Variants in SUV39H2 observed in about 807,000 individuals in gnomAD.
SUV39H2 encodes histone-lysine N-methyltransferase SUV39H2.
SUV39H2 carries 10 observed loss-of-function variants against 47.5 expected under a neutral mutation model. The ratio of observed to expected loss-of-function variants is 0.21; its 90% CI spans 0.13 to 0.36. The LOEUF (loss-of-function observed/expected upper bound fraction) is 0.36, where lower values mean the gene tolerates loss of function less well. Ranked by LOEUF, SUV39H2 falls within the 10% of genes least tolerant of loss-of-function variation. The probability of loss-of-function intolerance (pLI) is 1.00; values close to 1 mark genes in which losing one functional copy is unlikely to be tolerated. For synonymous variants in SUV39H2, 159 were observed against 166.8 expected (o/e 0.95, Z 0.36); for missense variants, 266 against 487.4 (o/e 0.55, Z 4.28).
chr10:14,879,216 G>A (rs1832965949), intron 1 of SUV39H2: 2 of 936,244 alleles, frequency 2.1e-6, no homozygotes. Flanking sequence ...CTCCCGTGGC[G>A]GCCTCGGGCT....
chr10:14,883,978 A>G (rs1833127642), intron 2 of SUV39H2, among the ~76,000 whole-genome samples: 1 of 152,166 alleles, frequency 6.6e-6, no homozygotes, highest in Non-Finnish European at 1.5e-5. Flanking sequence ...GCGTGTTTTC[A>G]GGGTTCATTC....
At chr10:14,888,887 C>G (rs921187105) in intron 2 of SUV39H2, among the ~76,000 whole-genome samples, 1 of 152,068 alleles carries the variant, frequency 6.6e-6, no homozygotes, top group Non-Finnish European at 1.5e-5. Context: ...GGCGGATCAC[C>G]TGAGGTCGGG....
Position 14,896,908 on chromosome 10 carries a change from T to G in SUV39H2, c.240T>G (p.Pro80=). ...GWPDSTNTWE[P]LQNLKCPLLL... ...CAGATTCTACAAATACTTGGGAACC[T>G]TTGCAAAATCTGAAGTGCCCGTTAC... is the stretch of plus-strand genomic sequence containing the variant. The change falls in exon 3 of 6, where the codon CCT becomes CCG. Residue 80 remains proline, a synonymous_variant. Transcript: ENST00000354919. The G allele has an allele frequency of 6.2e-7, 1 of 1,612,984 alleles. No homozygotes were observed. The highest frequency in any genetic ancestry group is 2.2e-5 in the East Asian group (1 of 44,858).
intron 4 of SUV39H2, 152 bp from the exon 5 acceptor site, chr10:14,900,981 A>C (rs1833969294): frequency 1.1e-6 from 1 of 902,446 alleles, no homozygotes; most frequent in Non-Finnish European, 1.6e-6. Flanking sequence ...ATCTTTTTAA[A>C]TGTGCATGCC....
intron 2 of SUV39H2, among the ~76,000 whole-genome samples, chr10:14,883,248 G>T (rs1342676313): frequency 6.6e-6 from 1 of 152,078 alleles, no homozygotes; most frequent in South Asian, 2.1e-4. Context: ...AACACATTCA[G>T]ATCTTCCCTA....
In SUV39H2 at chr10:14,897,187, C is replaced by T. The variant is rs138078553; in HGVS notation, c.519C>T (p.Asn173=). Residue 173 remains asparagine (N), a synonymous_variant, in exon 3 of 6, where the codon AAC becomes AAT. Transcript: ENST00000354919. Reference sequence around the variant, plus strand: ...CACCTTCAGACTTCTATTACATTAACGAATACAAACCAGCTCCTGGAATCA... The same window carrying T: ...CACCTTCAGACTTCTATTACATTAATGAATACAAACCAGCTCCTGGAATCA... ...EGPPSDFYYI[N]EYKPAPGISL... is the part of the protein sequence containing the mutation. The T allele has an allele frequency of 1.5e-5, 25 of 1,613,696 alleles. No individual in the cohort carries two copies. Among genetic ancestry groups the T allele is most frequent in the African/African-American group, 1.5e-4 (11 of 74,936 alleles).
At chr10:14,900,172 A>G (rs1285149826) in intron 4 of SUV39H2, among the ~76,000 whole-genome samples, 2 of 152,234 alleles carry the variant, frequency 1.3e-5, no homozygotes, top group East Asian at 1.9e-4. Flanking sequence ...TAAATTATAA[A>G]TTAGTATTCT....
At position 14,903,687 on chromosome 10, in the gene SUV39H2, A is replaced by G. The variant is rs1834169076; in HGVS notation, c.*1175A>G. 1.3e-5 allele frequency: 2 copies of G among 152,216 alleles called. No homozygotes were observed. The highest frequency in any genetic ancestry group is 1.9e-4 in the East Asian group (1 of 5,194). 9.4% of individuals were successfully genotyped at this position (152,216 alleles called of 1,614,324 possible). A position where few individuals can be genotyped will look rare whatever the true frequency, so the allele number is the denominator to read the frequency against. On this transcript the variant is annotated 3_prime_UTR_variant, in exon 6 of 6. Transcript: ENST00000354919. The stretch of plus-strand genomic sequence containing the variant: ...CAAGGGAGTGGGAGGCTTCCAACAT[A>G]GTATTGAATCTCAGGAAAAACTATT...
Position 14,899,597 on chromosome 10 carries a change from C to T in SUV39H2, c.908C>T (p.Thr303Met). 1 of 1,614,164 alleles carries T rather than the reference C, an allele frequency of 6.2e-7. No individual in the cohort carries two copies. The highest frequency in any genetic ancestry group is 8.5e-7 in the Non-Finnish European group (1 of 1,180,018). Residue 303 changes from threonine (T) to methionine (M), a missense_variant, in exon 4 of 6, where the codon ACG becomes ATG. Around this residue, in one of 4 missense-constraint regions of SUV39H2, gnomAD observed 112 missense variants for 271.9 expected, o/e 0.41. Transcript: ENST00000354919. ...RGQFYDNKGI[T>M]YLFDLDYESD... The stretch of plus-strand genomic sequence containing the variant: ...CAGTTCTATGACAACAAGGGAATCA[C>T]GTATCTCTTTGATCTGGACTATGAG...
At chr10:14,889,780 A>G (rs1468439220) in intron 2 of SUV39H2, among the ~76,000 whole-genome samples, 1 of 152,212 alleles carries the variant, frequency 6.6e-6, no homozygotes, top group Non-Finnish European at 1.5e-5. Context: ...GGTTGTTACT[A>G]TTATGAATTC....
At chr10:14,890,378 T>G (rs982083148) in intron 2 of SUV39H2, among the ~76,000 whole-genome samples, 1 of 152,200 alleles carries the variant, frequency 6.6e-6, no homozygotes, top group Non-Finnish European at 1.5e-5. Context: ...GAACCACTGG[T>G]GTTTTCATAA....
At chr10:14,879,395 G>C (rs1431895204) in intron 1 of SUV39H2, among the ~76,000 whole-genome samples, 3 of 152,234 alleles carry the variant, frequency 2.0e-5, no homozygotes, top group Admixed American at 6.5e-5. Context: ...CAGAGGGGGA[G>C]AGTAAATCGG....
In SUV39H2 at chr10:14,889,678, A is replaced by G. The variant is rs115184902; in HGVS notation, c.178-7168A>G. On this transcript the variant is annotated intron_variant, in intron 2 of 5. Coordinates refer to ENST00000354919, the MANE Select transcript of SUV39H2 (RefSeq NM_001193424.2). Reference sequence around the variant, plus strand: ...GGTCATACATCACTGAAAATAACACAGGAGGTAGGGGTGGGAACCTTGAGC... The same window carrying G: ...GGTCATACATCACTGAAAATAACACGGGAGGTAGGGGTGGGAACCTTGAGC... Among the ~76,000 whole-genome samples the G allele has an allele frequency of 2.3e-3, 353 of 152,320 alleles. 1 individual carries two copies. The highest frequency in any genetic ancestry group is 7.7e-3 in the African/African-American group (321 of 41,576).
intron 2 of SUV39H2, among the ~76,000 whole-genome samples, chr10:14,883,381 C>G (rs1833101419): frequency 6.6e-6 from 1 of 151,978 alleles, no homozygotes; most frequent in African/African-American, 2.4e-5. Context: ...CACATGCTAT[C>G]ATACAGCTCA....
intron 2 of SUV39H2, among the ~76,000 whole-genome samples, chr10:14,886,324 G>A (rs928128607): frequency 1.3e-5 from 2 of 152,116 alleles, no homozygotes; most frequent in Non-Finnish European, 2.9e-5. Flanking sequence ...AGAACCACCT[G>A]CCCTTCCTCA....
chr10:14,889,397 A>G (rs191852933), intron 2 of SUV39H2, among the ~76,000 whole-genome samples: 1 of 152,294 alleles, frequency 6.6e-6, no homozygotes, highest in Non-Finnish European at 1.5e-5. Context: ...TCTTTTAGAG[A>G]TTCCCTACAT....
At chr10:14,878,998 G>T (rs1294660858) in intron 1 of SUV39H2, 79 bp downstream of exon 1, 1 of 1,330,976 alleles carries the variant, frequency 7.5e-7, no homozygotes, top group Non-Finnish European at 9.6e-7. Context: ...GCCGTCCCGC[G>T]GGCCAGCCAG....
intron 1 of SUV39H2, 94 bp from the exon 2 acceptor site, chr10:14,881,406 G>T (rs1833037062): frequency 2.7e-6 from 3 of 1,131,032 alleles, no homozygotes; most frequent in Non-Finnish European, 2.3e-6. Context: ...AAAATTGCCA[G>T]TTGAAAGATG....
intron 2 of SUV39H2, among the ~76,000 whole-genome samples, chr10:14,887,319 G>A (rs1357202177): frequency 6.6e-6 from 1 of 152,154 alleles, no homozygotes; most frequent in Non-Finnish European, 1.5e-5. Flanking sequence ...TGGTAGTGAA[G>A]GTGCCAGGTC....
Sources: allele counts gnomAD v4.1 joint callset (sites outside exome capture counted in the v4.1 genomes callset), GRCh38; gene constraint gnomAD v4.1.1; regional missense constraint gnomAD v4.1.1; transcripts MANE v1.5; gene names NCBI Gene and HGNC (gene_info 2026-07-23, HGNC 2026-07-21).